COX10: variants seen among roughly 807,000 people sequenced by gnomAD.
COX10 encodes cytochrome c oxidase assembly factor heme A:farnesyltransferase COX10.
In COX10, 27 loss-of-function variants were observed where a neutral mutation model predicts 37.3. The ratio of observed to expected loss-of-function variants is 0.72; its 90% confidence interval spans 0.53 to 1.00. The LOEUF is 1.00. COX10 is among the 50% of genes least tolerant of loss of function. The pLI is 0.00. For synonymous variants in COX10, 222 were observed against 229.1 expected (o/e 0.97, Z 0.28); for missense variants, 475 against 563.2 (o/e 0.84, Z 1.59).
Position 14,175,088 on chromosome 17 carries a change from G to GGGA in COX10, c.695+15143_695+15144insAGG, listed in dbSNP as rs1905625536. ...CAGTGGTTACTGGGAAATAGCGGGG[G>GGGA]GGGGGGGGGTGGATAGGAGGGAATT... On this transcript the variant is annotated intron_variant, in intron 5 of 6. Coordinates refer to ENST00000261643, the MANE Select transcript of COX10 (RefSeq NM_001303.4). Among the ~76,000 whole-genome samples the GGGA allele has an allele frequency of 2.6e-5, 2 of 77,868 alleles. 1 individual carries two copies. The highest frequency in any genetic ancestry group is 6.3e-5 in the Non-Finnish European group (2 of 31,542). The allele number at this position is 77,868 out of a possible 152,430, so 51.1% of individuals were successfully genotyped here.
intron 4 of COX10, among the ~76,000 whole-genome samples, chr17:14,103,197 A>G (rs1297832188): frequency 6.6e-6 from 1 of 152,126 alleles, no homozygotes; most frequent in African/African-American, 2.4e-5. Context: ...CCCCTTCTAT[A>G]AAGCAGGACA....
chr17:14,202,463 G>A (rs1439185989), intron 6 of COX10, among the ~76,000 whole-genome samples: 1 of 152,004 alleles, frequency 6.6e-6, no homozygotes, highest in Non-Finnish European at 1.5e-5. Context: ...CTAATATCTT[G>A]TGCCAGTAGT....
At chr17:14,142,101 C>T (rs1904562652) in intron 4 of COX10, among the ~76,000 whole-genome samples, 2 of 152,112 alleles carry the variant, frequency 1.3e-5, no homozygotes, top group South Asian at 2.1e-4. Context: ...AAGGAGTAAG[C>T]GCCTCTTTAT....
intron 6 of COX10, among the ~76,000 whole-genome samples, chr17:14,203,702 C>T (rs1356081069): frequency 1.3e-5 from 2 of 152,184 alleles, no homozygotes; most frequent in East Asian, 3.8e-4. Flanking sequence ...TGGCTTATAG[C>T]CCCAGACTTA....
At chr17:14,112,244 C>T (rs1394586176) in intron 4 of COX10, among the ~76,000 whole-genome samples, 1 of 152,088 alleles carries the variant, frequency 6.6e-6, no homozygotes, top group Non-Finnish European at 1.5e-5. Context: ...ACTTTAATAC[C>T]TTCAAAAAGC....
intron 3 of COX10, among the ~76,000 whole-genome samples, chr17:14,092,512 A>T (rs1915550675): frequency 6.6e-6 from 1 of 152,130 alleles, no homozygotes; most frequent in African/African-American, 2.4e-5. Flanking sequence ...ATAGTTTGTA[A>T]TCAGTTAGGC....
chr17:14,074,452 G>A lies in COX10; in HGVS notation c.173G>A (p.Arg58His), dbSNP rs772223730. 52 of 1,612,502 alleles carry A rather than the reference G, an allele frequency of 3.2e-5. No homozygotes were observed. The highest frequency in any genetic ancestry group is 4.2e-5 in the Non-Finnish European group (49 of 1,179,370). ...ITFQHFSFLK[R>H]MYVTQLNRSH... ...TTTCAGCACTTTAGCTTCCTCAAAC[G>A]CATGGTATGTTTAGAAGACCATTCT... is the stretch of plus-strand genomic sequence containing the variant. The change falls in exon 2 of 7, where the codon CGC becomes CAC. Residue 58 changes from arginine (R) to histidine (H), a missense_variant. Physicochemically the swap from Arg to His is conservative, Grantham distance 29. Around this residue, in one of 5 missense-constraint regions of COX10, gnomAD observed 242 missense variants for 242.5 expected, o/e 1.00. Transcript: ENST00000261643.
chr17:14,194,717 G>A (rs976230673), intron 6 of COX10, among the ~76,000 whole-genome samples: 11 of 152,126 alleles, frequency 7.2e-5, no homozygotes, highest in Non-Finnish European at 1.2e-4. Context: ...GAGCCACCGC[G>A]CCTGGCCTAA....
intron 4 of COX10, among the ~76,000 whole-genome samples, chr17:14,105,977 A>G (rs1299188981): frequency 6.6e-6 from 1 of 151,606 alleles, no homozygotes; most frequent in African/African-American, 2.4e-5. Context: ...TGTCATGGAC[A>G]TCTCGCCATG....
At chr17:14,204,686 C>G (rs1906641723) in intron 6 of COX10, among the ~76,000 whole-genome samples, 1 of 152,100 alleles carries the variant, frequency 6.6e-6, no homozygotes, top group Admixed American at 6.6e-5. Context: ...ACTGGTGCCC[C>G]TCCCCTCACC....
intron 4 of COX10, among the ~76,000 whole-genome samples, chr17:14,158,234 T>TA (rs201635369): frequency 0.015 from 2,259 of 149,258 alleles, 39 homozygotes; most frequent in East Asian, 0.056. Context: ...TAAGACATCG[T>TA]AAAAAAAAAA....
chr17:14,205,186 A>G (rs999975877), intron 6 of COX10, among the ~76,000 whole-genome samples: 5 of 152,048 alleles, frequency 3.3e-5, no homozygotes, highest in Admixed American at 6.5e-5. Context: ...TTAAATATAT[A>G]TAGTTCTGTG....
At chr17:14,082,034 A>C (rs1351358382) in intron 3 of COX10, among the ~76,000 whole-genome samples, 1 of 152,170 alleles carries the variant, frequency 6.6e-6, no homozygotes, top group East Asian at 1.9e-4. Context: ...GAGCTCAGAG[A>C]GAATGTTAGG....
intron 4 of COX10, among the ~76,000 whole-genome samples, chr17:14,116,616 A>G (rs1240638962): frequency 6.6e-6 from 1 of 151,706 alleles, no homozygotes; most frequent in Non-Finnish European, 1.5e-5. Flanking sequence ...CCCCACATTC[A>G]TGCCATCAGG....
intron 4 of COX10, among the ~76,000 whole-genome samples, chr17:14,123,981 T>C (rs758272606): frequency 1.3e-5 from 2 of 152,184 alleles, no homozygotes; most frequent in Non-Finnish European, 2.9e-5. Flanking sequence ...GCTGTGAAAC[T>C]AGGCTTGCCT....
intron 5 of COX10, among the ~76,000 whole-genome samples, chr17:14,190,237 C>G (rs986093316): frequency 6.6e-6 from 1 of 152,222 alleles, no homozygotes; most frequent in African/African-American, 2.4e-5. Context: ...TTAAACCATC[C>G]CCTTGAAATG....
At chr17:14,136,098 G>A (rs1376932129) in intron 4 of COX10, among the ~76,000 whole-genome samples, 1 of 152,096 alleles carries the variant, frequency 6.6e-6, no homozygotes, top group East Asian at 1.9e-4. Flanking sequence ...AGAAGCTAAG[G>A]AGTTTGAGCA....
Position 14,192,365 on chromosome 17 carries a change from T to C in COX10, c.928+144T>C, listed in dbSNP as rs2158978. ...TGTGCTGATGTGGCAGACTGAAATT[T>C]TGTGGACGCAGAGTAAAGAGAGACC... On this transcript the variant is annotated intron_variant, in intron 6 of 6. Transcript: ENST00000261643. 938,454 of 1,596,950 alleles carry C rather than the reference T, an allele frequency of 0.59. 278,189 individuals are homozygous for C. The highest frequency in any genetic ancestry group is 0.6 in the South Asian group (54,283 of 90,102).
intron 6 of COX10, among the ~76,000 whole-genome samples, chr17:14,206,064 T>G (rs1168239250): frequency 6.6e-6 from 1 of 152,188 alleles, no homozygotes; most frequent in Non-Finnish European, 1.5e-5. Flanking sequence ...CACCTCCCGC[T>G]TGTGCCATTG....
Sources: gnomAD v4.1 joint callset for allele counts (sites outside exome capture counted in the v4.1 genomes callset) on GRCh38, gnomAD v4.1.1 for gene constraint, gnomAD v4.1.1 regional missense constraint, MANE v1.5 for transcripts, NCBI Gene and HGNC (gene_info 2026-07-23, HGNC 2026-07-21) for gene names.